CYP2C19: variants seen among roughly 807,000 people sequenced by gnomAD.
CYP2C19 encodes cytochrome P450 family 2 subfamily C member 19, also known as cytochrome P450 2C19.
Under a neutral mutation model 40.9 loss-of-function variants are expected in CYP2C19, and 59 were observed. The ratio of observed to expected loss-of-function variants is 1.44; its 90% CI spans 1.17 to 1.79. The LOEUF is 1.79. CYP2C19 is among the 40% of genes most tolerant of loss of function. The probability of loss-of-function intolerance (pLI) is 0.00; values close to 1 mark genes in which losing one functional copy is unlikely to be tolerated. For missense variants in CYP2C19, 754 were observed against 596.9 expected (o/e 1.26, Z -2.74); for synonymous variants, 253 against 208.7 (o/e 1.21, Z -1.83).
intron 6 of CYP2C19, among the ~76,000 whole-genome samples, chr10:94,836,862 C>A (rs1438274638): frequency 1.3e-5 from 2 of 152,158 alleles, no homozygotes; most frequent in Non-Finnish European, 2.9e-5. Context: ...AAATCATCCA[C>A]GTACTGAAGG....
intron 5 of CYP2C19, among the ~76,000 whole-genome samples, chr10:94,797,459 G>T (rs1244001258): frequency 2.6e-5 from 4 of 151,070 alleles, no homozygotes; most frequent in African/African-American, 9.7e-5. Flanking sequence ...TTTTTTGTGT[G>T]TGTGTCTCTC....
intron 6 of CYP2C19, among the ~76,000 whole-genome samples, chr10:94,831,029 C>A (rs891957861): frequency 2.0e-5 from 3 of 152,204 alleles, no homozygotes; most frequent in Non-Finnish European, 4.4e-5. Flanking sequence ...TCACCCCCCA[C>A]TTCCCTTTCA....
At chr10:94,773,492 A>G (rs1848363764) in intron 1 of CYP2C19, among the ~76,000 whole-genome samples, 1 of 151,720 alleles carries the variant, frequency 6.6e-6, no homozygotes, top group African/African-American at 2.4e-5. Flanking sequence ...TGGTGGGTTC[A>G]TGGTCTTGCT....
chr10:94,800,487 C>T (rs940149464), intron 5 of CYP2C19, among the ~76,000 whole-genome samples: 1 of 152,212 alleles, frequency 6.6e-6, no homozygotes, highest in Non-Finnish European at 1.5e-5. Flanking sequence ...TTCAGGTACC[C>T]ACTTGAGGTG....
At position 94,855,454 on chromosome 10, in the gene CYP2C19, T is replaced by A. The variant is rs1451332657; in HGVS notation, c.*2540T>A. Among the ~76,000 whole-genome samples the A allele has an allele frequency of 6.6e-6, 1 of 152,216 alleles. No homozygotes were observed. The highest frequency in any genetic ancestry group is 1.5e-5 in the Non-Finnish European group (1 of 68,034). ...GTATTTCTTCCCTAAAATACATATTTCATATGAGAAGAGAACTTTATTTGG... is the reference window on the plus strand; with the variant it reads ...GTATTTCTTCCCTAAAATACATATTACATATGAGAAGAGAACTTTATTTGG... On this transcript the variant is annotated 3_prime_UTR_variant, in exon 9 of 9. Coordinates refer to ENST00000371321, the MANE Select transcript of CYP2C19 (RefSeq NM_000769.4).
At chr10:94,827,499 G>A (rs376897993) in intron 6 of CYP2C19, among the ~76,000 whole-genome samples, 2,289 of 151,858 alleles carry the variant, frequency 0.015, 76 homozygotes, top group African/African-American at 0.052. Flanking sequence ...CTGTGGGATC[G>A]GTGGTGATAT....
intron 6 of CYP2C19, among the ~76,000 whole-genome samples, chr10:94,839,647 T>C (rs923433873): frequency 5.9e-5 from 9 of 152,260 alleles, no homozygotes; most frequent in African/African-American, 2.2e-4. Flanking sequence ...CTGTAAGTAC[T>C]TTAAGTCTTG....
Position 94,762,782 on chromosome 10 carries a change from G to A in CYP2C19, c.77G>A (p.Arg26Lys). ...LLSIWRQSSG[R>K]GKLPPGPTPL... ...TCAATCTGGAGACAGAGCTCTGGGAGAGGAAAACTCCCTCCTGGCCCCACT... is the reference window on the plus strand; with the variant it reads ...TCAATCTGGAGACAGAGCTCTGGGAAAGGAAAACTCCCTCCTGGCCCCACT... Residue 26 changes from arginine (R) to lysine (K), a missense_variant, in exon 1 of 9, where the codon AGA (arginine) becomes AAA (lysine). Transcript: ENST00000371321. The A allele has an allele frequency of 6.2e-7, 1 of 1,613,880 alleles. No individual in the cohort carries two copies. Among genetic ancestry groups the A allele is most frequent in the Non-Finnish European group, 8.5e-7 (1 of 1,179,836 alleles).
At position 94,784,826 on chromosome 10, in the gene CYP2C19, G is replaced by T. The variant is rs531809511; in HGVS notation, c.819+2829G>T. ...GCTGGTCTCGAACTCTTGACCTCAG[G>T]TGATCTGCCCACCTTGGCATCCCTA... is the stretch of plus-strand genomic sequence containing the variant. On this transcript the variant is annotated intron_variant, in intron 5 of 8. Transcript: ENST00000371321. Among the ~76,000 whole-genome samples the T allele has an allele frequency of 3.7e-4, 57 of 152,110 alleles. 1 individual carries two copies. The highest frequency in any genetic ancestry group is 1.5e-4 in the Non-Finnish European group (10 of 67,998).
intron 7 of CYP2C19, among the ~76,000 whole-genome samples, chr10:94,848,417 G>A (rs1849604258): frequency 6.6e-6 from 1 of 152,140 alleles, no homozygotes; most frequent in African/African-American, 2.4e-5. Flanking sequence ...TGTTGGCTCT[G>A]TTCTGTTCCA....
intron 5 of CYP2C19, among the ~76,000 whole-genome samples, chr10:94,785,565 T>A (rs972452306): frequency 1.3e-5 from 2 of 152,182 alleles, no homozygotes; most frequent in Non-Finnish European, 2.9e-5. Flanking sequence ...TATTATACTT[T>A]GTAGTAAGTT....
At chr10:94,850,097 A>G (rs1849630607) in intron 8 of CYP2C19, 39 bp downstream of exon 8, 4 of 1,611,454 alleles carry the variant, frequency 2.5e-6, no homozygotes, top group Non-Finnish European at 2.5e-6. Context: ...TCAGGGTACA[A>G]GATAACTTTT....
rs17884712 is a variant in CYP2C19, at chr10:94,775,489, G to A, written c.431G>A (p.Arg144His). ...FGMGKRSIEDRVQEEARCLVE... is the reference protein window; with the variant it reads ...FGMGKRSIEDHVQEEARCLVE... ...ATGGGGAAGAGGAGCATTGAGGACC[G>A]TGTTCAAGAGGAAGCCCGCTGCCTT... The change falls in exon 3 of 9, where the codon CGT (arginine) becomes CAT (histidine). Residue 144 changes from arginine to histidine, a missense_variant. Transcript: ENST00000371321. 1,141 of 1,614,010 alleles carry A rather than the reference G, an allele frequency of 7.1e-4. 7 individuals are homozygous for A. In the African/African-American group the frequency reaches 0.013, roughly 18 times the overall value.
intron 1 of CYP2C19, chr10:94,773,780 G>GAGC (rs1373622011): frequency 1.3e-5 from 2 of 152,254 alleles, no homozygotes; most frequent in African/African-American, 4.8e-5. Flanking sequence ...CCCAAAGAGT[G>GAGC]AGCAGCAGCA....
intron 5 of CYP2C19, among the ~76,000 whole-genome samples, chr10:94,816,960 T>G (rs1191191794): frequency 8.6e-6 from 1 of 115,658 alleles, no homozygotes; most frequent in Non-Finnish European, 1.8e-5. Context: ...TGCCACATTT[T>G]CTTAATCCAG....
At chr10:94,813,377 C>T (rs954670905) in intron 5 of CYP2C19, among the ~76,000 whole-genome samples, 3 of 151,882 alleles carry the variant, frequency 2.0e-5, no homozygotes, top group Admixed American at 2.0e-4. Flanking sequence ...GAAGCTGCAC[C>T]CACTGCCACC....
chr10:94,806,147 A>G lies in CYP2C19; in HGVS notation c.820-14349A>G, dbSNP rs140610818. Among the ~76,000 whole-genome samples the G allele has an allele frequency of 1.9e-3, 290 of 151,956 alleles. 9 individuals carry two copies. Among genetic ancestry groups the G allele is most frequent in the Admixed American group, 0.015 (232 of 15,204 alleles). ...GGTACCTCATAGAAGTGGAATCATT[A>G]CATATTTGCCCTTTTGTGACTGGTT... On this transcript the variant is annotated intron_variant, in intron 5 of 8. Transcript: ENST00000371321.
intron 5 of CYP2C19, among the ~76,000 whole-genome samples, chr10:94,804,319 C>A (rs905440022): frequency 6.6e-6 from 1 of 152,184 alleles, no homozygotes; most frequent in Non-Finnish European, 1.5e-5. Context: ...AATTCCAGTA[C>A]CCACTGCTAA....
At chr10:94,782,876 G>A (rs911674976) in intron 5 of CYP2C19, among the ~76,000 whole-genome samples, 4 of 151,998 alleles carry the variant, frequency 2.6e-5, no homozygotes, top group Admixed American at 6.6e-5. Context: ...ACCAAACACC[G>A]TATGTTCTCA....
Sources: gnomAD v4.1 joint callset for allele counts (sites outside exome capture counted in the v4.1 genomes callset) on GRCh38, gnomAD v4.1.1 for gene constraint, MANE v1.5 for transcripts, NCBI Gene and HGNC (gene_info 2026-07-23, HGNC 2026-07-21) for gene names.